RALY: variants seen among roughly 807,000 people sequenced by gnomAD.
The protein encoded by RALY is RALY heterogeneous nuclear ribonucleoprotein, also known as RNA-binding protein Raly.
In RALY, 15 loss-of-function variants were observed where a neutral mutation model predicts 30.7. The ratio of observed to expected loss-of-function variants is 0.49; its 90% CI spans 0.33 to 0.75. RALY has a LOEUF of 0.75. Among genes scored for constraint, RALY ranks in the 30% least tolerant of loss-of-function variants. The pLI, the probability that RALY is intolerant of heterozygous loss-of-function variation, is 0.02. For synonymous variants in RALY, 177 were observed against 170.8 expected, an observed-to-expected ratio of 1.04 and a Z score of -0.28; for missense variants, 339 against 414.3, an observed-to-expected ratio of 0.82 and a Z score of 1.58.
intron 1 of RALY, chr20:34,015,033 CTAGAAGCTG>C (rs2031551939): frequency 6.6e-6 from 1 of 152,154 alleles, no homozygotes; most frequent in Non-Finnish European, 1.5e-5. Flanking sequence ...TTGGAAGCTT[CTAGAAGCTG>C]GTAGCATTTG....
chr20:34,070,513 G>A (rs2033697184), intron 2 of RALY, among the ~76,000 whole-genome samples: 3 of 152,268 alleles, frequency 2.0e-5, no homozygotes, highest in Admixed American at 2.0e-4. Flanking sequence ...ATTTGAACGA[G>A]TTAGTATTAA....
Position 34,071,421 on chromosome 20 carries a change from G to A in RALY, c.-9-645G>A, listed in dbSNP as rs2033723127. Among the ~76,000 whole-genome samples, 3 of 152,076 alleles carry A rather than the reference G, an allele frequency of 2.0e-5. No homozygotes were observed. The South Asian group carries it at 6.2e-4, about 32-fold the overall frequency. ...GCCTCCCGAGTAGCTGGGATTACAG[G>A]TACCCGCCACCACGCCTGGCTAATT... On this transcript the variant is annotated intron_variant, in intron 2 of 9. Coordinates refer to ENST00000246194, the MANE Select transcript of RALY (RefSeq NM_016732.3).
intron 5 of RALY, 92 bp from the exon 6 acceptor site, chr20:34,075,782 C>T: frequency 7.1e-7 from 1 of 1,409,772 alleles, no homozygotes; most frequent in South Asian, 1.4e-5. Context: ...CTCCCAGCCC[C>T]TCACCAGCCA....
chr20:34,056,171 C>A, intron 2 of RALY, among the ~76,000 whole-genome samples: 1 of 152,182 alleles, frequency 6.6e-6, no homozygotes, highest in East Asian at 1.9e-4. Context: ...ACATCCTAGA[C>A]TCTGGGCAAA....
rs1466602121 is a variant in RALY at position 34,073,019 on chromosome 20, T to TA, written c.257-544_257-543insA. Among the ~76,000 whole-genome samples, 21 of 151,930 alleles carry TA rather than the reference T, an allele frequency of 1.4e-4. No individual in the cohort carries two copies. In the East Asian group the frequency reaches 3.9e-3, roughly 28 times the overall value. On this transcript the variant is annotated intron_variant, in intron 3 of 9. Coordinates refer to ENST00000246194, the MANE Select transcript of RALY (RefSeq NM_016732.3). The stretch of plus-strand genomic sequence containing the variant: ...ATACATATATTCATTTACCAGGTAT[T>TA]TATTGAGACCTTTTCATGTAGTAAG...
chr20:34,004,405 A>G (rs529585856), intron 1 of RALY, among the ~76,000 whole-genome samples: 1 of 152,302 alleles, frequency 6.6e-6, no homozygotes, highest in South Asian at 2.1e-4. Context: ...TTCTCAACCG[A>G]TGTGCTTCCC....
In RALY at chr20:34,059,316, C is replaced by A. The variant is rs1386289757; in HGVS notation, c.-9-12750C>A. On this transcript the variant is annotated intron_variant, in intron 2 of 9. Transcript: ENST00000246194. ...ATCAACTGCCCTGATACCTGAGGGA[C>A]ACAGTACTTGGCTGGAGTGCTGAAT... is the stretch of plus-strand genomic sequence containing the variant. Among the ~76,000 whole-genome samples, 4 of 152,304 alleles carry A rather than the reference C, an allele frequency of 2.6e-5. No individual in the cohort carries two copies. The South Asian group carries it at 6.2e-4, about 24-fold the overall frequency.
chr20:34,070,038 C>T (rs1243184462), intron 2 of RALY, among the ~76,000 whole-genome samples: 3 of 152,164 alleles, frequency 2.0e-5, no homozygotes, highest in East Asian at 1.9e-4. Flanking sequence ...CTGGTCAGAA[C>T]GTGCCAGCTT....
At chr20:34,078,016 T>C (rs1166021533) in intron 8 of RALY, among the ~76,000 whole-genome samples, 1 of 152,222 alleles carries the variant, frequency 6.6e-6, no homozygotes, top group African/African-American at 2.4e-5. Flanking sequence ...TGCAGCTTTC[T>C]CCTTTTCAGC....
chr20:34,031,212 T>A (rs2032262824), intron 1 of RALY, among the ~76,000 whole-genome samples: 2 of 17,386 alleles, frequency 1.2e-4, no homozygotes, highest in Non-Finnish European at 2.5e-4. Context: ...GCCTGGCTAA[T>A]TTTTTTTTTT....
At chr20:34,021,881 T>G (rs2031837206) in intron 1 of RALY, among the ~76,000 whole-genome samples, 1 of 151,170 alleles carries the variant, frequency 6.6e-6, no homozygotes, top group Non-Finnish European at 1.5e-5. Flanking sequence ...TTAAAAAAAT[T>G]TTTTTTAATT....
At chr20:34,066,831 G>A (rs1321716974) in intron 2 of RALY, among the ~76,000 whole-genome samples, 1 of 152,124 alleles carries the variant, frequency 6.6e-6, no homozygotes, top group Non-Finnish European at 1.5e-5. Context: ...TGGTGGAGGA[G>A]GCACATTCAT....
intron 2 of RALY, among the ~76,000 whole-genome samples, chr20:34,046,813 CTTTTTTTTTTT>C (rs61495395): frequency 1.4e-5 from 1 of 72,764 alleles, no homozygotes; most frequent in Non-Finnish European, 2.5e-5. Context: ...GACCTCCACT[CTTTTTTTTTTT>C]TTTTTTTTTT....
rs149737461 is a variant in RALY, at chr20:34,009,237, T to G, written c.-93+15106T>G. Among the ~76,000 whole-genome samples, 328 of 151,818 alleles carry G rather than the reference T, an allele frequency of 2.2e-3. 1 individual carries two copies. Among genetic ancestry groups the G allele is most frequent in the African/African-American group, 7.6e-3 (316 of 41,424 alleles). ...TTTGTTTTGGTGTGTGTGTGGTTTT[T>G]TTTTGTTTTGTTTTGTTTTTGAGAC... On this transcript the variant is annotated intron_variant, in intron 1 of 9. Transcript: ENST00000246194.
At chr20:34,068,433 C>T (rs754891650) in intron 2 of RALY, among the ~76,000 whole-genome samples, 29 of 152,104 alleles carry the variant, frequency 1.9e-4, no homozygotes, top group Non-Finnish European at 3.7e-4. Flanking sequence ...GGACCTCTGC[C>T]CTAGTGGTCC....
At chr20:34,029,598 A>G (rs1183334643) in intron 1 of RALY, among the ~76,000 whole-genome samples, 1 of 151,254 alleles carries the variant, frequency 6.6e-6, no homozygotes, top group Admixed American at 6.6e-5. Context: ...AGAGAGAGAA[A>G]GAGGGGTTGA....
chr20:34,004,455 G>A lies in RALY; in HGVS notation c.-93+10324G>A, dbSNP rs147640362. ...AGAAAGAATGGTCACAGGTGATTAG[G>A]CTGCAGAGATGGAGAACATTCTGTG... On this transcript the variant is annotated intron_variant, in intron 1 of 9. Coordinates refer to ENST00000246194, the MANE Select transcript of RALY (RefSeq NM_016732.3). 4.1e-3 allele frequency among the ~76,000 whole-genome samples: 630 copies of A among 152,270 alleles called. 7 individuals carry two copies. The highest frequency in any genetic ancestry group is 4.0e-3 in the Non-Finnish European group (270 of 68,010).
At chr20:34,078,367 C>G in intron 8 of RALY, 138 bp from the exon 9 acceptor site, 1 of 684,956 alleles carries the variant, frequency 1.5e-6, no homozygotes, top group South Asian at 4.4e-5. Flanking sequence ...AGTCATTCCC[C>G]TTGGCTGTTC....
intron 3 of RALY, 99 bp from the exon 4 acceptor site, chr20:34,073,464 C>A: frequency 1.8e-6 from 2 of 1,118,068 alleles, no homozygotes; most frequent in African/African-American, 1.5e-5. Context: ...CATGTGTATA[C>A]CGTGTAAGCA....
Sources: gnomAD v4.1 joint callset for allele counts (sites outside exome capture counted in the v4.1 genomes callset) on GRCh38, gnomAD v4.1.1 for gene constraint, MANE v1.5 for transcripts, NCBI Gene and HGNC (gene_info 2026-07-23, HGNC 2026-07-21) for gene names.